Variants in PCDH15 observed in about 807,000 individuals in gnomAD.
PCDH15 encodes protocadherin related 15, also known as protocadherin-15.
In PCDH15, 129 loss-of-function variants were observed where a neutral mutation model predicts 178.5. The observed-to-expected ratio is 0.72, with a 90% CI of 0.63 to 0.84. The LOEUF is 0.84. PCDH15 is among the 40% of genes least tolerant of loss of function. PCDH15 has a pLI of 0.00. For missense variants in PCDH15, 2,230 were observed against 2,099.9 expected, an observed-to-expected ratio of 1.06 and a Z score of -1.21; for synonymous variants, 800 against 732.0, an observed-to-expected ratio of 1.09 and a Z score of -1.50.
intron 32 of PCDH15, among the ~76,000 whole-genome samples, chr10:53,824,539 A>AAGAG (rs1366624148): frequency 1.3e-5 from 2 of 152,178 alleles, no homozygotes; most frequent in East Asian, 3.9e-4. Context: ...AACTATAAGA[A>AAGAG]AGAGAAAGAA....
chr10:54,005,489 T>C (rs2135078122), intron 20 of PCDH15, among the ~76,000 whole-genome samples: 1 of 152,180 alleles, frequency 6.6e-6, no homozygotes, highest in African/African-American at 2.4e-5. Flanking sequence ...GATTTTAAAA[T>C]GGGCAAAAGT....
At chr10:54,383,258 A>T (rs551636540) in intron 3 of PCDH15, among the ~76,000 whole-genome samples, 1 of 152,264 alleles carries the variant, frequency 6.6e-6, no homozygotes, top group Admixed American at 6.5e-5. Context: ...AAGACTATGT[A>T]TGCATATGTA....
chr10:53,847,880 T>C (rs1209422951), intron 28 of PCDH15, among the ~76,000 whole-genome samples: 1 of 152,132 alleles, frequency 6.6e-6, no homozygotes, highest in Non-Finnish European at 1.5e-5. Flanking sequence ...TGTAAACTAC[T>C]TCTGTTTTTC....
chr10:54,355,498 T>C (rs2134343887), intron 5 of PCDH15, among the ~76,000 whole-genome samples: 1 of 152,136 alleles, frequency 6.6e-6, no homozygotes, highest in Admixed American at 6.5e-5. Flanking sequence ...CAATATGTTA[T>C]TTGAGAAATG....
At chr10:53,895,268 T>C (rs2081874712) in intron 26 of PCDH15, among the ~76,000 whole-genome samples, 2 of 152,192 alleles carry the variant, frequency 1.3e-5, no homozygotes, top group Admixed American at 6.6e-5. Flanking sequence ...CCTCTGACCA[T>C]GACTGTGGCT....
At chr10:54,238,719 C>G (rs1174275349) in intron 8 of PCDH15, among the ~76,000 whole-genome samples, 1 of 142,042 alleles carries the variant, frequency 7.0e-6, no homozygotes, top group Non-Finnish European at 1.5e-5. Context: ...ACACACTTTC[C>G]CAATAATCAA....
At chr10:54,967,474 T>C (rs1424501803) in intron 2 of PCDH15, among the ~76,000 whole-genome samples, 2 of 152,152 alleles carry the variant, frequency 1.3e-5, no homozygotes, top group Non-Finnish European at 1.5e-5. Flanking sequence ...TATAATTACA[T>C]ATAAATAAAA....
intron 14 of PCDH15, among the ~76,000 whole-genome samples, chr10:54,147,480 G>T (rs556551620): frequency 2.2e-4 from 34 of 151,868 alleles, no homozygotes; most frequent in African/African-American, 7.9e-4. Context: ...GAAAATCAAT[G>T]ATATGTCTTA....
At chr10:53,982,726 C>G (rs7896066) in intron 21 of PCDH15, among the ~76,000 whole-genome samples, 81 of 150,442 alleles carry the variant, frequency 5.4e-4, no homozygotes, top group Middle Eastern at 3.4e-3. Flanking sequence ...TGCTAAATGA[C>G]GAGTTAATGG....
intron 15 of PCDH15, among the ~76,000 whole-genome samples, chr10:54,111,329 T>G (rs1344469974): frequency 6.6e-6 from 1 of 152,162 alleles, no homozygotes; most frequent in Non-Finnish European, 1.5e-5. Context: ...AAGCAAATAG[T>G]CTACATTCAA....
intron 1 of PCDH15, among the ~76,000 whole-genome samples, chr10:54,726,421 TG>T (rs1566051568): frequency 9.6e-4 from 6 of 6,248 alleles, no homozygotes; most frequent in Non-Finnish European, 2.8e-3. Context: ...CCATCAGGGG[TG>T]TGTGTGTGTG....
intron 2 of PCDH15, among the ~76,000 whole-genome samples, chr10:55,622,044 T>A (rs1404654029): frequency 7.1e-6 from 1 of 141,832 alleles, no homozygotes; most frequent in Non-Finnish European, 1.5e-5. Flanking sequence ...ATATAATATA[T>A]ATATAAATTG....
chr10:55,040,304 G>A (rs2131976088), intron 2 of PCDH15, among the ~76,000 whole-genome samples: 1 of 152,164 alleles, frequency 6.6e-6, no homozygotes, highest in Admixed American at 6.6e-5. Flanking sequence ...AAAACAGACA[G>A]GCTGACACAG....
At chr10:54,681,168 T>G (rs1331552341) in intron 1 of PCDH15, among the ~76,000 whole-genome samples, 1 of 152,158 alleles carries the variant, frequency 6.6e-6, no homozygotes, top group Non-Finnish European at 1.5e-5. Flanking sequence ...TGCCACTTAC[T>G]GGAATGTGAT....
At chr10:55,462,550 G>C (rs1292672764) in intron 2 of PCDH15, among the ~76,000 whole-genome samples, 1 of 151,962 alleles carries the variant, frequency 6.6e-6, no homozygotes, top group Non-Finnish European at 1.5e-5. Context: ...TAGTAAAATT[G>C]TCCTCACAGG....
At chr10:55,562,495 A>C (rs887375693) in intron 2 of PCDH15, among the ~76,000 whole-genome samples, 1 of 151,998 alleles carries the variant, frequency 6.6e-6, no homozygotes, top group Non-Finnish European at 1.5e-5. Context: ...AATGTGTAGA[A>C]TCAAACTGAC....
At chr10:54,133,364 A>G (rs4403715) in intron 14 of PCDH15, among the ~76,000 whole-genome samples, 49,780 of 151,992 alleles carry the variant, frequency 0.33, 9,106 homozygotes, top group East Asian at 0.88. Flanking sequence ...CTGGTAATAA[A>G]AGCTGTCCTT....
chr10:55,102,986 T>G (rs1052773700), intron 2 of PCDH15, among the ~76,000 whole-genome samples: 2 of 151,676 alleles, frequency 1.3e-5, no homozygotes. Flanking sequence ...GAAGAGGAGG[T>G]GTTGTTCTTG....
At chr10:55,266,200 CT>C (rs144993545) in intron 1 of PCDH15, among the ~76,000 whole-genome samples, 25,741 of 148,972 alleles carry the variant, frequency 0.17, 2,984 homozygotes, top group East Asian at 0.38. Context: ...CCTTATAAAA[CT>C]TTTTTTTTTT....
Sources: gnomAD v4.1 joint callset for allele counts (sites outside exome capture counted in the v4.1 genomes callset) on GRCh38, gnomAD v4.1.1 for gene constraint, MANE v1.5 for transcripts, NCBI Gene and HGNC (gene_info 2026-07-23, HGNC 2026-07-21) for gene names.